The following PPARGC1A variants were observed in gnomAD, a reference collection of about 807,000 sequenced individuals.
PPARGC1A encodes the protein PPARG coactivator 1 alpha.
Under a neutral mutation model 88.7 loss-of-function variants are expected in PPARGC1A, and 25 were observed. That is an observed-to-expected ratio of 0.28 (90% CI 0.21 to 0.39). The LOEUF (loss-of-function observed/expected upper bound fraction) is 0.39, where lower values mean the gene tolerates loss of function less well. Among genes scored for constraint, PPARGC1A ranks in the 10% least tolerant of loss-of-function variants. The pLI is 1.00. For missense variants in PPARGC1A, 880 were observed against 968.7 expected (o/e 0.91, Z 1.22); for synonymous variants, 363 against 355.6 (o/e 1.02, Z -0.24).
intron 2 of PPARGC1A, among the ~76,000 whole-genome samples, chr4:23,864,971 C>T (rs1313728927): frequency 1.3e-5 from 2 of 152,128 alleles, no homozygotes; most frequent in African/African-American, 4.8e-5. Flanking sequence ...ATTGCCTGAG[C>T]TCAGGAGTTT....
At chr4:24,225,467 G>C in the PPARGC1A span, among the ~76,000 whole-genome samples, 1 of 151,830 alleles carries the variant, frequency 6.6e-6, no homozygotes, top group Non-Finnish European at 1.5e-5. Context: ...TACTCGGGAG[G>C]CTGAGGCAGG....
the PPARGC1A span, among the ~76,000 whole-genome samples, chr4:24,355,717 C>A: frequency 6.6e-6 from 1 of 152,078 alleles, no homozygotes; most frequent in South Asian, 2.1e-4. Context: ...CCAGCACACA[C>A]CAGTCACAAA....
At chr4:23,951,812 G>A in the PPARGC1A span, among the ~76,000 whole-genome samples, 34 of 152,208 alleles carry the variant, frequency 2.2e-4, no homozygotes, top group Middle Eastern at 6.8e-3. Context: ...CCAGAAAAGC[G>A]TTTACTTTCA....
chr4:24,246,641 T>C, the PPARGC1A span, among the ~76,000 whole-genome samples: 1 of 152,170 alleles, frequency 6.6e-6, no homozygotes, highest in East Asian at 1.9e-4. Context: ...TTTAATTAAA[T>C]AAATAAATAT....
the PPARGC1A span, among the ~76,000 whole-genome samples, chr4:24,166,938 C>T: frequency 2.6e-5 from 4 of 152,168 alleles, no homozygotes; most frequent in Non-Finnish European, 4.4e-5. Flanking sequence ...TTCTGCAGCT[C>T]ATGGATCAAG....
the PPARGC1A span, among the ~76,000 whole-genome samples, chr4:24,035,385 C>CA: frequency 6.6e-6 from 1 of 151,490 alleles, no homozygotes; most frequent in Non-Finnish European, 1.5e-5. Flanking sequence ...ACTAAAAATA[C>CA]AAAAAATTAG....
At chr4:24,469,797 GC>G in the PPARGC1A span, among the ~76,000 whole-genome samples, 1 of 151,796 alleles carries the variant, frequency 6.6e-6, no homozygotes, top group Admixed American at 6.6e-5. Context: ...TTTTTAAAAC[GC>G]CCCCCTCCGC....
chr4:24,041,730 G>A, the PPARGC1A span, among the ~76,000 whole-genome samples: 10 of 152,086 alleles, frequency 6.6e-5, no homozygotes, highest in East Asian at 5.8e-4. Context: ...TCAAAGATTC[G>A]ACACACACCC....
At chr4:23,886,611 C>A (rs2148841088) in intron 1 of PPARGC1A, among the ~76,000 whole-genome samples, 1 of 152,226 alleles carries the variant, frequency 6.6e-6, no homozygotes, top group South Asian at 2.1e-4. Flanking sequence ...CCCAAAATTA[C>A]AGATCAGTAT....
At chr4:24,087,760 C>T in the PPARGC1A span, among the ~76,000 whole-genome samples, 1 of 152,332 alleles carries the variant, frequency 6.6e-6, no homozygotes, top group South Asian at 2.1e-4. Flanking sequence ...AACTGTGCTA[C>T]AGCTGCTGTT....
the PPARGC1A span, among the ~76,000 whole-genome samples, chr4:23,999,424 T>C: frequency 4.6e-5 from 7 of 152,332 alleles, no homozygotes; most frequent in East Asian, 1.4e-3. Context: ...CCCACTAAAA[T>C]GCAAATCTTG....
At chr4:24,412,428 T>C in the PPARGC1A span, among the ~76,000 whole-genome samples, 3 of 152,316 alleles carry the variant, frequency 2.0e-5, no homozygotes, top group Admixed American at 6.5e-5. Flanking sequence ...AATTTAATGA[T>C]GTGAAAATTA....
chr4:24,233,111 A>C, the PPARGC1A span, among the ~76,000 whole-genome samples: 1 of 98,382 alleles, frequency 1.0e-5, no homozygotes, highest in Non-Finnish European at 2.2e-5. Flanking sequence ...GGCCAGAAAA[A>C]ATGTGTCTCC....
chr4:24,177,387 G>C, the PPARGC1A span, among the ~76,000 whole-genome samples: 4 of 149,032 alleles, frequency 2.7e-5, no homozygotes, highest in East Asian at 6.0e-4. Flanking sequence ...AACACCGCAT[G>C]TTCTCACTCA....
At chr4:24,355,916 G>T in the PPARGC1A span, among the ~76,000 whole-genome samples, 2 of 152,160 alleles carry the variant, frequency 1.3e-5, no homozygotes, top group East Asian at 3.9e-4. Flanking sequence ...TGAGTTTACG[G>T]CGGGGCACGA....
the PPARGC1A span, among the ~76,000 whole-genome samples, chr4:24,209,322 G>C: frequency 6.6e-6 from 1 of 152,160 alleles, no homozygotes; most frequent in African/African-American, 2.4e-5. Context: ...CAAGGAGGAG[G>C]AGAACATTCC....
chr4:24,147,994 A>C, the PPARGC1A span, among the ~76,000 whole-genome samples: 3 of 152,224 alleles, frequency 2.0e-5, no homozygotes, highest in East Asian at 5.8e-4. Flanking sequence ...TAAAGCAGAA[A>C]TGAGGTAGAG....
chr4:24,198,410 A>G, the PPARGC1A span, among the ~76,000 whole-genome samples: 1 of 152,104 alleles, frequency 6.6e-6, no homozygotes, highest in Non-Finnish European at 1.5e-5. Context: ...CTTGGATCTC[A>G]TCTCCAGTTT....
chr4:24,362,194 A>G, the PPARGC1A span, among the ~76,000 whole-genome samples: 54,024 of 152,094 alleles, frequency 0.36, 11,005 homozygotes, highest in East Asian at 0.47. Context: ...CCCACTTCAG[A>G]TACAGGCTGT....
Sources: allele counts gnomAD v4.1 joint callset (sites outside exome capture counted in the v4.1 genomes callset), GRCh38; gene constraint gnomAD v4.1.1; transcripts MANE v1.5; gene names NCBI Gene and HGNC (gene_info 2026-07-23, HGNC 2026-07-21).